Variants in RXFP1 observed in about 807,000 individuals in gnomAD.
RXFP1 encodes the protein relaxin receptor 1.
In RXFP1, 73 loss-of-function variants were observed where a neutral mutation model predicts 89.8. That is an observed-to-expected ratio of 0.81 (90% CI 0.67 to 0.99). The LOEUF (loss-of-function observed/expected upper bound fraction) is 0.99. Ranked by LOEUF, RXFP1 falls within the 50% of genes least tolerant of loss-of-function variation. RXFP1 has a pLI of 0.00. For synonymous variants in RXFP1, 277 were observed against 305.5 expected, an observed-to-expected ratio of 0.91 and a Z score of 0.97; for missense variants, 793 against 895.5, an observed-to-expected ratio of 0.89 and a Z score of 1.46.
intron 1 of RXFP1, among the ~76,000 whole-genome samples, chr4:158,542,229 C>A (rs1358373735): frequency 6.6e-6 from 1 of 150,742 alleles, no homozygotes. Context: ...TGAATCACTG[C>A]GCCTGGCCCA....
intron 1 of RXFP1, among the ~76,000 whole-genome samples, chr4:158,538,402 T>A (rs997945442): frequency 1.3e-5 from 2 of 152,192 alleles, no homozygotes; most frequent in Non-Finnish European, 2.9e-5. Flanking sequence ...AGTCAAGTGC[T>A]GAAGGATTGC....
chr4:158,645,676 A>G (rs1276798451), intron 15 of RXFP1, among the ~76,000 whole-genome samples: 3 of 152,162 alleles, frequency 2.0e-5, no homozygotes, highest in Non-Finnish European at 4.4e-5. Context: ...GTTATGTTAA[A>G]TGAACACTGC....
chr4:158,551,778 A>G (rs1021291469), intron 1 of RXFP1, among the ~76,000 whole-genome samples: 30 of 152,104 alleles, frequency 2.0e-4, no homozygotes, highest in African/African-American at 6.5e-4. Context: ...TGTCTCTACA[A>G]AAAATATAAA....
At position 158,572,853 on chromosome 4, in the gene RXFP1, A is replaced by C; in HGVS notation, c.187+18A>C. On this transcript the variant is annotated intron_variant, in intron 2 of 17. Transcript: ENST00000307765. ...CAACTGTGGTGAGTGAAGCCCCTGC[A>C]GTCACGGTGAGAGAAAGGAGCAGAA... 6 of 1,613,592 alleles carry C rather than the reference A, an allele frequency of 3.7e-6. No homozygotes were observed. The highest frequency in any genetic ancestry group is 5.1e-6 in the Non-Finnish European group (6 of 1,179,646).
chr4:158,651,796 T>A lies in RXFP1; in HGVS notation c.2015T>A (p.Ile672Asn). 1 of 1,613,966 alleles carries A rather than the reference T, an allele frequency of 6.2e-7. No homozygotes were observed. The highest frequency in any genetic ancestry group is 8.5e-7 in the Non-Finnish European group (1 of 1,179,942). Residue 672 changes from isoleucine to asparagine, a missense_variant, in exon 18 of 18, where the codon ATT becomes AAT. Physicochemically the swap from Ile to Asn is moderately radical, Grantham distance 149. Coordinates refer to ENST00000307765, the MANE Select transcript of RXFP1 (RefSeq NM_021634.4). ...TGGGTAGTGATTTTTATTCTGCCCATTAACAGTGCTTTGAACCCAATTCTC... is the reference window on the plus strand; with the variant it reads ...TGGGTAGTGATTTTTATTCTGCCCAATAACAGTGCTTTGAACCCAATTCTC... ...TSWVVIFILP[I>N]NSALNPILYT...
intron 1 of RXFP1, among the ~76,000 whole-genome samples, chr4:158,541,083 G>T (rs1289070723): frequency 6.6e-6 from 1 of 152,134 alleles, no homozygotes. Context: ...GCCCTGGGCT[G>T]CCCTTGATGG....
intron 16 of RXFP1, among the ~76,000 whole-genome samples, chr4:158,647,405 CT>C (rs1771777981): frequency 6.6e-6 from 1 of 152,182 alleles, no homozygotes. Context: ...CCTAAACATG[CT>C]AAGCAACATA....
intron 14 of RXFP1, among the ~76,000 whole-genome samples, chr4:158,643,879 C>T (rs1770921068): frequency 6.6e-6 from 1 of 152,076 alleles, no homozygotes; most frequent in African/African-American, 2.4e-5. Flanking sequence ...CCCTTTTCTC[C>T]AGATTCTCAT....
chr4:158,604,546 T>A (rs1264383795), intron 4 of RXFP1, among the ~76,000 whole-genome samples: 1 of 152,156 alleles, frequency 6.6e-6, no homozygotes, highest in Non-Finnish European at 1.5e-5. Context: ...CAAAAGAAAA[T>A]CTTCCTGTAC....
intron 1 of RXFP1, among the ~76,000 whole-genome samples, chr4:158,533,316 C>A (rs539179096): frequency 5.3e-5 from 8 of 152,224 alleles, no homozygotes; most frequent in African/African-American, 1.9e-4. Flanking sequence ...CAATAAAGTA[C>A]AGTCTAAATT....
intron 1 of RXFP1, among the ~76,000 whole-genome samples, chr4:158,528,377 G>GT (rs903937597): frequency 6.6e-6 from 1 of 152,146 alleles, no homozygotes; most frequent in African/African-American, 2.4e-5. Flanking sequence ...GTGGTGGCAA[G>GT]TATCTGTAGT....
intron 2 of RXFP1, among the ~76,000 whole-genome samples, chr4:158,588,747 A>G (rs922706128): frequency 1.5e-4 from 23 of 152,232 alleles, no homozygotes; most frequent in Non-Finnish European, 2.6e-4. Flanking sequence ...AATCTACAGC[A>G]TATTCCATGA....
intron 10 of RXFP1, among the ~76,000 whole-genome samples, chr4:158,627,562 A>G (rs1417223116): frequency 6.7e-6 from 1 of 149,262 alleles, no homozygotes; most frequent in Non-Finnish European, 1.5e-5. Flanking sequence ...TTATGATCCA[A>G]TATAAAACAC....
chr4:158,610,960 A>G (rs562695389), intron 6 of RXFP1, among the ~76,000 whole-genome samples: 3 of 152,336 alleles, frequency 2.0e-5, no homozygotes, highest in South Asian at 4.1e-4. Context: ...AGAGAGAGAA[A>G]TCAGTGTGAA....
At chr4:158,642,772 G>C (rs1044169069) in intron 14 of RXFP1, among the ~76,000 whole-genome samples, 1 of 152,106 alleles carries the variant, frequency 6.6e-6, no homozygotes, top group Non-Finnish European at 1.5e-5. Flanking sequence ...CCTGAGGTTT[G>C]TTGCCTCACG....
chr4:158,552,171 C>A (rs6844143), intron 1 of RXFP1, among the ~76,000 whole-genome samples: 29,175 of 151,916 alleles, frequency 0.19, 3,652 homozygotes, highest in African/African-American at 0.34. Flanking sequence ...ATACAACTGC[C>A]CTTAATTTAG....
intron 4 of RXFP1, among the ~76,000 whole-genome samples, chr4:158,599,633 C>T (rs1032276001): frequency 3.1e-4 from 47 of 151,998 alleles, no homozygotes; most frequent in Non-Finnish European, 4.3e-4. Flanking sequence ...TTATATTAAC[C>T]CCTCATAATA....
intron 16 of RXFP1, among the ~76,000 whole-genome samples, chr4:158,648,014 C>CAA (rs35514598): frequency 1.9e-3 from 278 of 144,558 alleles, no homozygotes; most frequent in African/African-American, 3.2e-3. Context: ...GACTCCATCT[C>CAA]AAAAAAAAAA....
At chr4:158,551,691 A>G (rs1187221109) in intron 1 of RXFP1, among the ~76,000 whole-genome samples, 1 of 152,206 alleles carries the variant, frequency 6.6e-6, no homozygotes, top group East Asian at 1.9e-4. Flanking sequence ...CTGTAATCCC[A>G]GCACTTTGAG....
Sources: allele counts gnomAD v4.1 joint callset (sites outside exome capture counted in the v4.1 genomes callset), GRCh38; gene constraint gnomAD v4.1.1; transcripts MANE v1.5; gene names NCBI Gene and HGNC (gene_info 2026-07-23, HGNC 2026-07-21).